Variants in PCDH15 observed in about 807,000 individuals in gnomAD.
The protein encoded by PCDH15 is protocadherin related 15.
In PCDH15, 129 loss-of-function variants were observed where a neutral mutation model predicts 178.5. The ratio of observed to expected loss-of-function variants is 0.72; its 90% CI spans 0.63 to 0.84. PCDH15 has a LOEUF of 0.84. PCDH15 is among the 40% of genes least tolerant of loss of function. PCDH15 has a pLI of 0.00. For missense variants in PCDH15, 2,230 were observed against 2,099.9 expected (o/e 1.06, Z -1.21); for synonymous variants, 800 against 732.0 (o/e 1.09, Z -1.50).
At chr10:54,370,083 A>C (rs758943863) in intron 4 of PCDH15, among the ~76,000 whole-genome samples, 3 of 151,986 alleles carry the variant, frequency 2.0e-5, no homozygotes, top group Non-Finnish European at 4.4e-5. Flanking sequence ...AATAATTTTT[A>C]TAATAAATTC....
intron 2 of PCDH15, among the ~76,000 whole-genome samples, chr10:54,973,573 G>T (rs147479403): frequency 5.6e-4 from 85 of 152,198 alleles, no homozygotes; most frequent in African/African-American, 1.8e-3. Flanking sequence ...TTCAGAATTG[G>T]CTCAATACTA....
At chr10:53,890,120 A>C (rs1589270363) in intron 26 of PCDH15, among the ~76,000 whole-genome samples, 1 of 152,174 alleles carries the variant, frequency 6.6e-6, no homozygotes, top group African/African-American at 2.4e-5. Flanking sequence ...TTGTAATAAA[A>C]ATTATACATC....
At chr10:55,243,119 G>A (rs1404542810) in intron 1 of PCDH15, among the ~76,000 whole-genome samples, 1 of 151,974 alleles carries the variant, frequency 6.6e-6, no homozygotes, top group Non-Finnish European at 1.5e-5. Flanking sequence ...AGAAAACAAA[G>A]AAACTTTGTC....
intron 8 of PCDH15, among the ~76,000 whole-genome samples, chr10:54,262,385 G>A (rs545981368): frequency 6.6e-6 from 1 of 152,276 alleles, no homozygotes; most frequent in East Asian, 1.9e-4. Flanking sequence ...CCCCTTGCCT[G>A]TCAACGCCTT....
intron 1 of PCDH15, among the ~76,000 whole-genome samples, chr10:55,223,963 C>G (rs1487885813): frequency 1.3e-5 from 2 of 152,032 alleles, no homozygotes; most frequent in Non-Finnish European, 2.9e-5. Context: ...CATAAATAAA[C>G]AAATACAGCT....
chr10:55,070,045 T>C (rs1215364457), intron 2 of PCDH15, among the ~76,000 whole-genome samples: 3 of 151,836 alleles, frequency 2.0e-5, no homozygotes, highest in African/African-American at 7.2e-5. Context: ...TGAGTATTTT[T>C]TCATGTGTTT....
At chr10:54,903,268 T>G (rs1591773060) in intron 2 of PCDH15, among the ~76,000 whole-genome samples, 1 of 133,764 alleles carries the variant, frequency 7.5e-6, no homozygotes, top group African/African-American at 2.8e-5. Context: ...TATGGCTTTT[T>G]TGAACATACA....
chr10:55,598,583 G>C (rs1842992773), intron 2 of PCDH15, among the ~76,000 whole-genome samples: 2 of 127,936 alleles, frequency 1.6e-5, no homozygotes, highest in East Asian at 2.3e-4. Context: ...ACACAAGTAT[G>C]CACTAGGTCA....
At chr10:53,884,024 T>TAAA (rs11379965) in intron 26 of PCDH15, among the ~76,000 whole-genome samples, 5 of 151,452 alleles carry the variant, frequency 3.3e-5, no homozygotes, top group African/African-American at 1.2e-4. Flanking sequence ...CCTGTTTTTG[T>TAAA]AAAAAAACAA....
intron 2 of PCDH15, among the ~76,000 whole-genome samples, chr10:55,093,433 G>C (rs549681569): frequency 3.8e-4 from 58 of 152,064 alleles, no homozygotes; most frequent in African/African-American, 1.4e-3. Context: ...TAGTTTGCCT[G>C]TTCACTCTGA....
chr10:53,827,968 AT>A (rs1167361747), intron 31 of PCDH15, among the ~76,000 whole-genome samples: 1 of 152,114 alleles, frequency 6.6e-6, no homozygotes, highest in East Asian at 1.9e-4. Flanking sequence ...GATTTGAAAC[AT>A]TTTTGACGTT....
At chr10:53,969,109 A>G (rs1249338062) in intron 21 of PCDH15, among the ~76,000 whole-genome samples, 2 of 152,162 alleles carry the variant, frequency 1.3e-5, no homozygotes, top group African/African-American at 2.4e-5. Flanking sequence ...AAAAACCTTG[A>G]AAAAAGATTA....
intron 18 of PCDH15, among the ~76,000 whole-genome samples, chr10:54,026,242 G>A (rs1228671185): frequency 1.3e-5 from 2 of 151,828 alleles, no homozygotes; most frequent in Non-Finnish European, 2.9e-5. Flanking sequence ...CTAATTTTTT[G>A]TATTTTTATC....
At chr10:54,828,574 C>G (rs1953169820) in intron 3 of PCDH15, among the ~76,000 whole-genome samples, 1 of 151,874 alleles carries the variant, frequency 6.6e-6, no homozygotes, top group African/African-American at 2.4e-5. Flanking sequence ...AATGCATTTT[C>G]TATCCTCTTA....
chr10:54,927,757 C>A (rs1399161754), intron 2 of PCDH15, among the ~76,000 whole-genome samples: 2 of 151,890 alleles, frequency 1.3e-5, no homozygotes, highest in Non-Finnish European at 2.9e-5. Flanking sequence ...AGGATTGAAA[C>A]CTTATCTGTT....
intron 8 of PCDH15, among the ~76,000 whole-genome samples, chr10:54,283,964 T>G (rs1394430810): frequency 6.6e-6 from 1 of 152,136 alleles, no homozygotes; most frequent in East Asian, 1.9e-4. Flanking sequence ...CCTGAGTAAC[T>G]AAGACTACAG....
At chr10:54,938,360 C>G (rs1247823088) in intron 2 of PCDH15, among the ~76,000 whole-genome samples, 1 of 149,786 alleles carries the variant, frequency 6.7e-6, no homozygotes, top group Non-Finnish European at 1.5e-5. Flanking sequence ...ATTTTTTTGT[C>G]TATATTCATT....
intron 1 of PCDH15, among the ~76,000 whole-genome samples, chr10:54,789,089 G>A (rs61483773): frequency 0.035 from 5,258 of 151,750 alleles, 260 homozygotes; most frequent in African/African-American, 0.12. Context: ...GCATAAGTAC[G>A]TCTAATATAG....
intron 2 of PCDH15, among the ~76,000 whole-genome samples, chr10:55,540,329 T>A (rs1395082480): frequency 6.6e-6 from 1 of 152,018 alleles, no homozygotes; most frequent in Non-Finnish European, 1.5e-5. Flanking sequence ...TTCCACCCCA[T>A]AGATGAAATA....
Sources: gnomAD v4.1 joint callset for allele counts (sites outside exome capture counted in the v4.1 genomes callset) on GRCh38, gnomAD v4.1.1 for gene constraint, MANE v1.5 for transcripts, NCBI Gene and HGNC (gene_info 2026-07-23, HGNC 2026-07-21) for gene names.